Variants in SEMA5B observed in about 807,000 individuals in gnomAD.
SEMA5B encodes the protein semaphorin-5B.
SEMA5B carries 66 observed loss-of-function variants against 135.0 expected under a neutral mutation model. That is an observed-to-expected ratio of 0.49 (90% CI 0.40 to 0.60). The LOEUF (loss-of-function observed/expected upper bound fraction) is 0.60, where lower values mean the gene tolerates loss of function less well. Among genes scored for constraint, SEMA5B ranks in the 20% least tolerant of loss-of-function variants. SEMA5B has a pLI of 0.00. For synonymous variants in SEMA5B, 690 were observed against 639.5 expected (o/e 1.08, Z -1.19); for missense variants, 1,501 against 1,566.3 (o/e 0.96, Z 0.70).
chr3:122,922,089 G>A lies in SEMA5B; in HGVS notation c.1514C>T (p.Ala505Val). ...GTAGCAGCCGTGGAGGCTGCGGCTC[G>A]CCGTGGACAGCGCCTTCAGGATGGT... ...SGTILKALST[A>V]SRSLHGCYLE... is the part of the protein sequence containing the mutation. Residue 505 changes from alanine (A) to valine (V), a missense_variant, in exon 12 of 23, where the codon GCG becomes GTG. By Grantham distance (64) the Ala-to-Val change is moderately conservative. This residue lies in a region of SEMA5B where 574 missense variants were observed against 684.7 expected (regional missense o/e 0.84). Transcript: ENST00000357599. The A allele has an allele frequency of 6.7e-7, 1 of 1,492,548 alleles. No homozygotes were observed. The highest frequency in any genetic ancestry group is 1.4e-5 in the African/African-American group (1 of 72,392). The allele number at this position is 1,492,548 out of a possible 1,614,324, so 92.5% of individuals were successfully genotyped here.
At chr3:122,981,422 G>A (rs766346096) in intron 1 of SEMA5B, among the ~76,000 whole-genome samples, 5 of 152,220 alleles carry the variant, frequency 3.3e-5, no homozygotes, top group South Asian at 2.1e-4. Context: ...GTGGCCAGGC[G>A]AATTTGACAG....
chr3:122,912,328 AC>A lies in SEMA5B; in HGVS notation c.2739del (p.Trp913CysfsTer139), dbSNP rs1315683748. Reference sequence around the variant, plus strand: ...CATGGAGACCATGAGGTCCAGCAGGACCAAGCACCCCGAACTGCAAGGGGAC... The same window carrying A: ...CATGGAGACCATGAGGTCCAGCAGGACAAGCACCCCGAACTGCAAGGGGAC... ...NPQACPVRGA[W>X]SCWTSWSPCS... On this transcript the variant is annotated frameshift_variant, in exon 19 of 23. Coordinates refer to ENST00000357599, the MANE Select transcript of SEMA5B (RefSeq NM_001031702.4). LOFTEE classifies it high-confidence loss of function. 1 of 1,602,918 alleles carries A rather than the reference AC, an allele frequency of 6.2e-7. No individual in the cohort carries two copies. The highest frequency in any genetic ancestry group is 2.2e-5 in the East Asian group (1 of 44,524).
rs1938049711 is a variant in SEMA5B, at chr3:122,915,875, G to A, written c.1704C>T (p.Ala568=). 6 of 1,613,830 alleles carry A rather than the reference G, an allele frequency of 3.7e-6. No individual in the cohort carries two copies. In the East Asian group the frequency reaches 1.3e-4, roughly 36 times the overall value. ...CGTCCCAGCCACAGTACGGGTCCCG[G>A]GCCCCCAGGCATGCCCTGCCAGACA... ...AYRSQGACLG[A]RDPYCGWDGK... is the part of the protein sequence containing the mutation. The change falls in exon 13 of 23, where the codon GCC becomes GCT. Residue 568 remains alanine, a synonymous_variant. Coordinates refer to ENST00000357599, the MANE Select transcript of SEMA5B (RefSeq NM_001031702.4).
chr3:122,917,431 G>A (rs1049536229), intron 12 of SEMA5B, among the ~76,000 whole-genome samples: 3 of 152,184 alleles, frequency 2.0e-5, no homozygotes, highest in South Asian at 2.1e-4. Flanking sequence ...AAGAACAAAC[G>A]AAGAGCTAAG....
chr3:122,941,427 G>C (rs1389026795), intron 4 of SEMA5B, among the ~76,000 whole-genome samples: 1 of 152,162 alleles, frequency 6.6e-6, no homozygotes, highest in Non-Finnish European at 1.5e-5. Flanking sequence ...ACAGTCACAG[G>C]GTAACATAAC....
At position 122,915,560 on chromosome 3, in the gene SEMA5B, T is replaced by C; in HGVS notation, c.1868A>G (p.His623Arg). The part of the protein sequence containing the change: ...GPWSPWQPCE[H>R]LDGDNSGSCL... The stretch of plus-strand genomic sequence containing the variant: ...AGAGCCTGAGTTGTCCCCATCCAAG[T>C]GCTCACATGGTTGCCATGGTGACCA... Residue 623 changes from histidine (H) to arginine (R), a missense_variant, in exon 14 of 23, where the codon CAC (histidine) becomes CGC (arginine). By Grantham distance (29) the His-to-Arg change is conservative (BLOSUM62 0). Around this residue, in one of 2 missense-constraint regions of SEMA5B, gnomAD observed 927 missense variants for 881.6 expected, o/e 1.05. Transcript: ENST00000357599. 6.2e-7 allele frequency: 1 copy of C among 1,614,120 alleles called. No individual in the cohort carries two copies. Among genetic ancestry groups the C allele is most frequent in the Non-Finnish European group, 8.5e-7 (1 of 1,179,988 alleles).
intron 1 of SEMA5B, among the ~76,000 whole-genome samples, chr3:122,977,670 G>C (rs1941378778): frequency 6.6e-6 from 1 of 152,128 alleles, no homozygotes. Context: ...CAAATATCTG[G>C]GCACAGTGGC....
At position 122,909,894 on chromosome 3, in the gene SEMA5B, G is replaced by T. The variant is rs1030414245; in HGVS notation, c.*249C>A. 3 of 475,282 alleles carry T rather than the reference G, an allele frequency of 6.3e-6. No individual in the cohort carries two copies. Among genetic ancestry groups the T allele is most frequent in the East Asian group, 3.6e-5 (1 of 28,126 alleles). The allele number at this position is 475,282 out of a possible 1,614,324, so 29.4% of individuals were successfully genotyped here. ...GCAGCATAGTGTCAGCGTGACAGTG[G>T]GTTGGAAGATAACCATGAGAGACCT... On this transcript the variant is annotated 3_prime_UTR_variant, in exon 23 of 23. Coordinates refer to ENST00000357599, the MANE Select transcript of SEMA5B (RefSeq NM_001031702.4).
Position 122,923,767 on chromosome 3 carries a change from G to T in SEMA5B, c.1137-15C>A, listed in dbSNP as rs1207169686. The T allele has an allele frequency of 1.9e-6, 3 of 1,613,810 alleles. No individual in the cohort carries two copies. The highest frequency in any genetic ancestry group is 2.5e-6 in the Non-Finnish European group (3 of 1,179,942). On this transcript the variant is annotated splice_polypyrimidine_tract_variant and intron_variant, in intron 9 of 22. Transcript: ENST00000357599. The stretch of plus-strand genomic sequence containing the variant: ...CGATGCTGTTTCTGAAAGGCAAGAA[G>T]TGGTGGCACAGGGCCCTCCCTGTAA...
At chr3:122,928,436 C>A in intron 7 of SEMA5B, 81 bp downstream of exon 7, 5 of 1,111,180 alleles carry the variant, frequency 4.5e-6, no homozygotes, top group Non-Finnish European at 6.3e-6. Context: ...ATTTGGTAAC[C>A]CCCCTTCAAG....
In SEMA5B at chr3:122,961,281, G is replaced by T; in HGVS notation, c.-18C>A. 6.2e-7 allele frequency: 1 copy of T among 1,613,876 alleles called. No individual in the cohort carries two copies. Among genetic ancestry groups the T allele is most frequent in the Non-Finnish European group, 8.5e-7 (1 of 1,179,846 alleles). ...CAGGGCATCCAAGAGACACAGGCCA[G>T]GCACCAGCTGGAACCACTCACTGAA... is the stretch of plus-strand genomic sequence containing the variant. On this transcript the variant is annotated 5_prime_UTR_variant, in exon 2 of 23. It adds an upstream start codon to the 5' untranslated region. Transcript: ENST00000357599.
At chr3:122,919,157 T>A (rs1213109823) in intron 12 of SEMA5B, among the ~76,000 whole-genome samples, 1 of 151,986 alleles carries the variant, frequency 6.6e-6, no homozygotes, top group Non-Finnish European at 1.5e-5. Context: ...GTGGGAGCTG[T>A]CCAGGGTGGA....
chr3:123,022,702 C>A (rs967744856), intron 1 of SEMA5B, among the ~76,000 whole-genome samples: 1 of 152,172 alleles, frequency 6.6e-6, no homozygotes, highest in African/African-American at 2.4e-5. Flanking sequence ...GCCACCAAGT[C>A]GAATAATTTC....
intron 1 of SEMA5B, among the ~76,000 whole-genome samples, chr3:123,024,092 C>T (rs1270660693): frequency 6.6e-6 from 1 of 152,164 alleles, no homozygotes; most frequent in Non-Finnish European, 1.5e-5. Context: ...CTTCTTTGTC[C>T]ATTCTACCAC....
intron 1 of SEMA5B, among the ~76,000 whole-genome samples, chr3:123,011,854 G>A (rs2107796452): frequency 6.6e-6 from 1 of 152,282 alleles, no homozygotes; most frequent in East Asian, 1.9e-4. Context: ...GACACAGAAT[G>A]AGCCAGAAAC....
At chr3:123,019,674 C>A (rs975200971) in intron 1 of SEMA5B, among the ~76,000 whole-genome samples, 9 of 152,188 alleles carry the variant, frequency 5.9e-5, no homozygotes, top group Non-Finnish European at 1.2e-4. Flanking sequence ...GTTTACCAGG[C>A]CGTTGTATAG....
At chr3:122,961,337 A>C (rs747653271) in intron 1 of SEMA5B, 36 bp from the exon 2 acceptor site, 3 of 1,587,038 alleles carry the variant, frequency 1.9e-6, no homozygotes, top group African/African-American at 1.3e-5. Context: ...TCATGGATAC[A>C]TGATGAACCA....
intron 1 of SEMA5B, among the ~76,000 whole-genome samples, chr3:122,966,007 A>G (rs1419727347): frequency 1.3e-5 from 2 of 152,202 alleles, no homozygotes; most frequent in African/African-American, 2.4e-5. Context: ...CAGGTGGCCC[A>G]GCGACAACCA....
Position 122,913,558 on chromosome 3 carries a change from GC to G in SEMA5B, c.2255del (p.Gly752AlafsTer34). On this transcript the variant is annotated frameshift_variant, in exon 16 of 23. Transcript: ENST00000357599. LOFTEE classifies it high-confidence loss of function. ...CCACGCCGCAGCCCAGGCAGGAGTT[GC>G]CGTTCTCGCAGGCCCGACGCCGCGA... ...MQSRRRACEN[G>X]NSCLGCGVEF... is the part of the protein sequence containing the mutation. 6.2e-7 allele frequency: 1 copy of G among 1,612,646 alleles called. No individual in the cohort carries two copies. The highest frequency in any genetic ancestry group is 8.5e-7 in the Non-Finnish European group (1 of 1,179,844).
Sources: gnomAD v4.1 joint callset for allele counts (sites outside exome capture counted in the v4.1 genomes callset) on GRCh38, gnomAD v4.1.1 for gene constraint, gnomAD v4.1.1 regional missense constraint, MANE v1.5 for transcripts, NCBI Gene and HGNC (gene_info 2026-07-23, HGNC 2026-07-21) for gene names.